The following CTNNA2 variants were observed in gnomAD, a reference collection of about 807,000 sequenced individuals.
CTNNA2 encodes the protein catenin alpha-2.
A neutral mutation model predicts 101.0 loss-of-function variants in CTNNA2; 42 were observed. The ratio of observed to expected loss-of-function variants is 0.42; its 90% CI spans 0.32 to 0.54. The LOEUF (loss-of-function observed/expected upper bound fraction) is 0.54, where lower values mean the gene tolerates loss of function less well. Ranked by LOEUF, CTNNA2 falls within the 20% of genes least tolerant of loss-of-function variation. The pLI is 0.14. For synonymous variants in CTNNA2, 450 were observed against 456.4 expected, an observed-to-expected ratio of 0.99 and a Z score of 0.18; for missense variants, 871 against 1,223.1, an observed-to-expected ratio of 0.71 and a Z score of 4.29.
chr2:80,095,065 C>A (rs183565415), intron 7 of CTNNA2, among the ~76,000 whole-genome samples: 4 of 152,178 alleles, frequency 2.6e-5, no homozygotes, highest in African/African-American at 4.8e-5. Context: ...TGAGAGAGGG[C>A]TTCCCTGTCT....
At chr2:79,187,124 C>T (rs1430981054) in intron 1 of CTNNA2, among the ~76,000 whole-genome samples, 4 of 151,892 alleles carry the variant, frequency 2.6e-5, no homozygotes, top group Admixed American at 6.6e-5. Context: ...TCAAGAGGAC[C>T]AAGAAATATC....
chr2:79,945,025 GGTT>G lies in CTNNA2; in HGVS notation c.1056+35235_1056+35237del, dbSNP rs556945249. ...TTTCTCATAAATAAGTTTATTGTTT[GGTT>G]GTTGTTTTTTGTTTTGTTTTGTTTT... On this transcript the variant is annotated intron_variant, in intron 7 of 18. Coordinates refer to ENST00000402739, the MANE Select transcript of CTNNA2 (RefSeq NM_001282597.3). Among the ~76,000 whole-genome samples, 33 of 152,116 alleles carry G rather than the reference GGTT, an allele frequency of 2.2e-4. No individual in the cohort carries two copies. The East Asian group carries it at 6.0e-3, about 28-fold the overall frequency.
chr2:79,288,564 T>C (rs12476885), intron 2 of CTNNA2, among the ~76,000 whole-genome samples: 151,424 of 152,118 alleles, frequency 1, 75,369 homozygotes, highest in Middle Eastern at 1. Context: ...GAATGGCTAT[T>C]TCTCTCTCTC....
intron 3 of CTNNA2, among the ~76,000 whole-genome samples, chr2:79,793,798 A>G (rs1027976733): frequency 2.0e-5 from 3 of 151,938 alleles, no homozygotes; most frequent in African/African-American, 7.3e-5. Context: ...ACATAATCAG[A>G]TTTTATTATT....
At chr2:80,328,783 A>G (rs1436553796) in intron 7 of CTNNA2, among the ~76,000 whole-genome samples, 2 of 152,252 alleles carry the variant, frequency 1.3e-5, no homozygotes, top group East Asian at 3.8e-4. Flanking sequence ...AACATCGTAG[A>G]ATGTACTTAT....
At chr2:80,037,729 T>A (rs1278354640) in intron 7 of CTNNA2, among the ~76,000 whole-genome samples, 2 of 152,212 alleles carry the variant, frequency 1.3e-5, no homozygotes, top group Non-Finnish European at 2.9e-5. Context: ...TAGCTTTTTA[T>A]GAAAATCTAA....
At chr2:80,432,111 A>C (rs79822923) in intron 9 of CTNNA2, among the ~76,000 whole-genome samples, 3 of 152,070 alleles carry the variant, frequency 2.0e-5, no homozygotes, top group African/African-American at 7.2e-5. Flanking sequence ...TTCTTTTTTC[A>C]CACTCAATCT....
intron 2 of CTNNA2, 21 bp from the exon 3 acceptor site, chr2:79,744,366 A>C (rs1187289508): frequency 1.3e-6 from 2 of 1,573,590 alleles, no homozygotes; most frequent in Non-Finnish European, 1.7e-6. Flanking sequence ...GAAGTTTTAC[A>C]GTTTCTCTTT....
At chr2:79,623,028 A>G (rs2104299876) in intron 1 of CTNNA2, among the ~76,000 whole-genome samples, 1 of 152,344 alleles carries the variant, frequency 6.6e-6, no homozygotes. Flanking sequence ...TCAATAAACA[A>G]CACAAAATTA....
chr2:80,584,692 C>A (rs1695823968), intron 14 of CTNNA2, among the ~76,000 whole-genome samples: 1 of 152,148 alleles, frequency 6.6e-6, no homozygotes, highest in East Asian at 1.9e-4. Context: ...GGGCAACTTT[C>A]TTAACCTCTC....
chr2:79,596,057 C>G (rs374877958), intron 1 of CTNNA2, among the ~76,000 whole-genome samples: 45 of 151,800 alleles, frequency 3.0e-4, no homozygotes, highest in African/African-American at 1.0e-3. Context: ...ATTGCTCTAT[C>G]TTGGGGAAGC....
intron 7 of CTNNA2, among the ~76,000 whole-genome samples, chr2:79,924,759 G>T (rs1297868216): frequency 1.3e-5 from 2 of 152,032 alleles, no homozygotes. Flanking sequence ...ATAAAGCTTA[G>T]TTGGAGGATC....
chr2:79,227,075 G>A (rs926151805), intron 2 of CTNNA2, among the ~76,000 whole-genome samples: 6 of 152,098 alleles, frequency 3.9e-5, no homozygotes, highest in Admixed American at 3.9e-4. Context: ...AATATACCTG[G>A]GAGGGTTATC....
chr2:79,716,971 T>A (rs1686149619), intron 2 of CTNNA2, among the ~76,000 whole-genome samples: 1 of 152,102 alleles, frequency 6.6e-6, no homozygotes, highest in African/African-American at 2.4e-5. Context: ...GAAATTTTCA[T>A]CATTGTAATA....
At position 80,581,822 on chromosome 2, in the gene CTNNA2, G is replaced by A. The variant is rs767135381; in HGVS notation, c.2007+3G>A. 9 of 1,570,742 alleles carry A rather than the reference G, an allele frequency of 5.7e-6. No homozygotes were observed. In the South Asian group the frequency reaches 7.8e-5, roughly 14 times the overall value. On this transcript the variant is annotated splice_donor_region_variant and intron_variant, in intron 14 of 18. Coordinates refer to ENST00000402739, the MANE Select transcript of CTNNA2 (RefSeq NM_001282597.3). Reference sequence around the variant, plus strand: ...TCATTGCAGGGCAGAGCGCACGGGTGAGTGGACACCTAAGACTTTGGCTTG... The same window carrying A: ...TCATTGCAGGGCAGAGCGCACGGGTAAGTGGACACCTAAGACTTTGGCTTG...
At chr2:80,110,141 T>C (rs1573108519) in intron 7 of CTNNA2, among the ~76,000 whole-genome samples, 1 of 152,224 alleles carries the variant, frequency 6.6e-6, no homozygotes, top group East Asian at 1.9e-4. Context: ...CCATATTGAA[T>C]AGTGAAAGAG....
intron 7 of CTNNA2, among the ~76,000 whole-genome samples, chr2:79,998,662 T>A (rs1692719826): frequency 6.6e-6 from 1 of 152,226 alleles, no homozygotes; most frequent in Admixed American, 6.5e-5. Context: ...GCCATTGCAC[T>A]TTTGTGGGAA....
intron 12 of CTNNA2, 54 bp downstream of exon 12, chr2:80,555,947 T>A (rs1254987817): frequency 8.4e-7 from 1 of 1,191,762 alleles, no homozygotes; most frequent in Non-Finnish European, 1.1e-6. Flanking sequence ...TTAGTTTCTA[T>A]AACTGAATAA....
chr2:79,999,338 A>G (rs975949761), intron 7 of CTNNA2, among the ~76,000 whole-genome samples: 3 of 152,196 alleles, frequency 2.0e-5, no homozygotes, highest in South Asian at 2.1e-4. Context: ...TCTAGCCACC[A>G]TAGTTGTTTC....
Sources: gnomAD v4.1 joint callset for allele counts (sites outside exome capture counted in the v4.1 genomes callset) on GRCh38, gnomAD v4.1.1 for gene constraint, MANE v1.5 for transcripts, NCBI Gene and HGNC (gene_info 2026-07-23, HGNC 2026-07-21) for gene names.